The following DHRSX variants were observed in gnomAD, a reference collection of about 807,000 sequenced individuals.
The protein encoded by DHRSX is polyprenol dehydrogenase.
A neutral mutation model predicts 34.0 loss-of-function variants in DHRSX; 31 were observed. That is an observed-to-expected ratio of 0.91 (90% CI 0.69 to 1.23). The LOEUF (loss-of-function observed/expected upper bound fraction) is 1.23, where lower values mean the gene tolerates loss of function less well. DHRSX is among the 50% of genes most tolerant of loss of function. The pLI is 0.00. For missense variants in DHRSX, 414 were observed against 428.1 expected (o/e 0.97, Z 0.29); for synonymous variants, 201 against 183.8 (o/e 1.09, Z -0.76).
chrX:2,347,060 T>C (rs1343005395), intron 3 of DHRSX, among the ~76,000 whole-genome samples: 1 of 152,194 alleles, frequency 6.6e-6, no homozygotes, highest in Non-Finnish European at 1.5e-5. Flanking sequence ...CAAATAGTAT[T>C]TGATATAGAT....
intron 4 of DHRSX, among the ~76,000 whole-genome samples, chrX:2,267,219 C>T (rs756634760): frequency 1.5e-3 from 233 of 152,268 alleles, no homozygotes; most frequent in Non-Finnish European, 2.7e-3. Context: ...CGGTGGCTCA[C>T]GCCTGTCATC....
chrX:2,369,940 G>A (rs2043037644), intron 3 of DHRSX, among the ~76,000 whole-genome samples: 1 of 152,002 alleles, frequency 6.6e-6, no homozygotes, highest in Admixed American at 6.6e-5. Flanking sequence ...CCTGTGCCCG[G>A]CCCGGACTCC....
chrX:2,236,027 G>A (rs1397047076), intron 6 of DHRSX, among the ~76,000 whole-genome samples: 2 of 151,932 alleles, frequency 1.3e-5, no homozygotes, highest in African/African-American at 2.4e-5. Context: ...CAGGAGAATC[G>A]CTTGAACCTG....
chrX:2,443,734 C>T (rs1197469427), intron 1 of DHRSX, among the ~76,000 whole-genome samples: 12 of 152,234 alleles, frequency 7.9e-5, no homozygotes, highest in Admixed American at 3.3e-4. Context: ...GGGCCGGGCA[C>T]GGTAGCTCAC....
chrX:2,360,867 C>T (rs2042924909), intron 3 of DHRSX, among the ~76,000 whole-genome samples: 1 of 151,898 alleles, frequency 6.6e-6, no homozygotes, highest in African/African-American at 2.4e-5. Context: ...AGATATGTCA[C>T]GGTTGAATGA....
intron 4 of DHRSX, among the ~76,000 whole-genome samples, chrX:2,271,249 G>C (rs1435537591): frequency 6.6e-6 from 1 of 152,138 alleles, no homozygotes; most frequent in Non-Finnish European, 1.5e-5. Flanking sequence ...AACTCGGGAC[G>C]CACCATCTTT....
intron 1 of DHRSX, among the ~76,000 whole-genome samples, chrX:2,447,120 C>A (rs187283832): frequency 1.9e-3 from 280 of 145,880 alleles, no homozygotes; most frequent in African/African-American, 5.3e-3. Context: ...AAGATATTCC[C>A]TAAGAATGTG....
At chrX:2,473,026 A>C (rs73179245) in intron 1 of DHRSX, among the ~76,000 whole-genome samples, 30,990 of 151,480 alleles carry the variant, frequency 0.2, 4,232 homozygotes, top group African/African-American at 0.39. Flanking sequence ...TGGGTACCAC[A>C]ACTTACTGTC....
rs138863879 is a variant in DHRSX at position 2,352,643 on chromosome X, C to T, written c.286+56102G>A. On this transcript the variant is annotated intron_variant, in intron 3 of 6. Coordinates refer to ENST00000334651, the MANE Select transcript of DHRSX (RefSeq NM_145177.3). ...TAGCTGCTGGGCTGCCTTGCTGGAA[C>T]TTATCAGGGTGGAAACTCTTTGGGG... Among the ~76,000 whole-genome samples the T allele has an allele frequency of 2.2e-4, 34 of 152,246 alleles. No individual in the cohort carries two copies. The East Asian group carries it at 5.8e-3, about 26-fold the overall frequency.
chrX:2,435,461 GAA>G (rs10606301), intron 1 of DHRSX, among the ~76,000 whole-genome samples: 15,044 of 143,984 alleles, frequency 0.1, 1,457 homozygotes, highest in African/African-American at 0.25. Flanking sequence ...ACCTTAATTG[GAA>G]AAAAAAAAAA....
At chrX:2,290,851 A>G (rs1012565652) in intron 4 of DHRSX, among the ~76,000 whole-genome samples, 6 of 152,202 alleles carry the variant, frequency 3.9e-5, no homozygotes, top group African/African-American at 7.2e-5. Flanking sequence ...AATAAAATGG[A>G]CTGCAGCAGG....
intron 3 of DHRSX, among the ~76,000 whole-genome samples, chrX:2,299,974 TG>T (rs1364264716): frequency 2.0e-5 from 3 of 151,920 alleles, no homozygotes; most frequent in African/African-American, 7.3e-5. Context: ...TGAAGTCAAC[TG>T]GAAAGACACA....
At chrX:2,370,332 C>T (rs1603017495) in intron 3 of DHRSX, among the ~76,000 whole-genome samples, 1 of 151,874 alleles carries the variant, frequency 6.6e-6, no homozygotes, top group African/African-American at 2.4e-5. Flanking sequence ...CCACCATGCC[C>T]GGCTAATTTT....
At chrX:2,242,840 G>A (rs2016172338) in intron 6 of DHRSX, among the ~76,000 whole-genome samples, 183 bp downstream of exon 6, 1 of 151,962 alleles carries the variant, frequency 6.6e-6, no homozygotes, top group East Asian at 1.9e-4. Context: ...CTTTGTCTGC[G>A]GAGGAGCCAT....
intron 1 of DHRSX, among the ~76,000 whole-genome samples, chrX:2,442,190 G>A (rs2124667685): frequency 6.6e-6 from 1 of 152,148 alleles, no homozygotes; most frequent in African/African-American, 2.4e-5. Flanking sequence ...TCTTAAGGAA[G>A]AGAAAACATA....
intron 3 of DHRSX, among the ~76,000 whole-genome samples, chrX:2,360,926 G>C (rs1178262868): frequency 2.0e-5 from 3 of 152,152 alleles, no homozygotes; most frequent in Admixed American, 6.5e-5. Context: ...GATGCTTTCA[G>C]AGGAAGGATG....
intron 4 of DHRSX, among the ~76,000 whole-genome samples, chrX:2,285,406 G>A (rs1251391376): frequency 6.6e-6 from 1 of 152,118 alleles, no homozygotes; most frequent in African/African-American, 2.4e-5. Context: ...CTTTTCATAA[G>A]GAGTGCACAA....
intron 1 of DHRSX, among the ~76,000 whole-genome samples, chrX:2,474,169 G>T (rs113763707): frequency 6.6e-6 from 1 of 151,874 alleles, no homozygotes; most frequent in Non-Finnish European, 1.5e-5. Context: ...TGTGGCCAAG[G>T]GATCGCCACC....
chrX:2,288,436 T>C (rs2041830272), intron 4 of DHRSX, among the ~76,000 whole-genome samples: 1 of 152,184 alleles, frequency 6.6e-6, no homozygotes, highest in Non-Finnish European at 1.5e-5. Flanking sequence ...GGTTTCACAA[T>C]GTTGTCCACG....
Sources: allele counts gnomAD v4.1 joint callset (sites outside exome capture counted in the v4.1 genomes callset), GRCh38; gene constraint gnomAD v4.1.1; transcripts MANE v1.5; gene names NCBI Gene and HGNC (gene_info 2026-07-23, HGNC 2026-07-21).